ZYG11A: variants seen among roughly 807,000 people sequenced by gnomAD.
ZYG11A encodes the protein protein zyg-11 homolog A.
A neutral mutation model predicts 77.2 loss-of-function variants in ZYG11A; 62 were observed. The ratio of observed to expected loss-of-function variants is 0.80; its 90% CI spans 0.65 to 0.99. The LOEUF (loss-of-function observed/expected upper bound fraction) is 0.99. Among genes scored for constraint, ZYG11A ranks in the 50% least tolerant of loss-of-function variants. The pLI is 0.00. For synonymous variants in ZYG11A, 315 were observed against 324.6 expected, an observed-to-expected ratio of 0.97 and a Z score of 0.32; for missense variants, 828 against 896.8, an observed-to-expected ratio of 0.92 and a Z score of 0.98.
At chr1:52,881,731 C>T in intron 11 of ZYG11A, 66 bp downstream of exon 11, 1 of 1,248,398 alleles carries the variant, frequency 8.0e-7, no homozygotes, top group African/African-American at 1.5e-5. Context: ...ATGTAGTTTC[C>T]TAAATCATAA....
At chr1:52,845,329 G>A (rs1429542592) in intron 1 of ZYG11A, among the ~76,000 whole-genome samples, 7 of 139,566 alleles carry the variant, frequency 5.0e-5, no homozygotes, top group South Asian at 4.5e-4. Flanking sequence ...TTTTTGAGAC[G>A]GAGCCTTGCT....
intron 1 of ZYG11A, among the ~76,000 whole-genome samples, chr1:52,846,512 C>T (rs1217302041): frequency 2.0e-5 from 3 of 151,172 alleles, no homozygotes; most frequent in Non-Finnish European, 4.4e-5. Flanking sequence ...GCCACCATTC[C>T]CGGCTAATTT....
At chr1:52,858,055 G>A (rs1468150550) in intron 3 of ZYG11A, among the ~76,000 whole-genome samples, 1 of 151,492 alleles carries the variant, frequency 6.6e-6, no homozygotes, top group Non-Finnish European at 1.5e-5. Context: ...CCAAAGTGCT[G>A]GGATCATAGG....
chr1:52,885,372 T>C (rs1646431671), intron 11 of ZYG11A, among the ~76,000 whole-genome samples: 1 of 151,450 alleles, frequency 6.6e-6, no homozygotes, highest in Admixed American at 6.6e-5. Flanking sequence ...CGGCTAATTT[T>C]TTTTTGTATT....
At chr1:52,869,578 C>T (rs1571861903) in intron 8 of ZYG11A, among the ~76,000 whole-genome samples, 2 of 152,018 alleles carry the variant, frequency 1.3e-5, no homozygotes, top group South Asian at 4.1e-4. Context: ...CATAGATCAA[C>T]AGGATCCCAA....
intron 5 of ZYG11A, among the ~76,000 whole-genome samples, chr1:52,865,652 T>G (rs1256110103): frequency 6.6e-6 from 1 of 152,182 alleles, no homozygotes; most frequent in Non-Finnish European, 1.5e-5. Context: ...AGTACTGATA[T>G]CTGCAGTGTA....
chr1:52,873,097 A>T (rs1571867452), intron 8 of ZYG11A, among the ~76,000 whole-genome samples: 1 of 151,874 alleles, frequency 6.6e-6, no homozygotes, highest in East Asian at 1.9e-4. Context: ...AGGCGAGCAG[A>T]TTACTTGAGG....
At chr1:52,890,462 G>A (rs866530738) in intron 13 of ZYG11A, among the ~76,000 whole-genome samples, 1 of 150,924 alleles carries the variant, frequency 6.6e-6, no homozygotes, top group South Asian at 2.1e-4. Flanking sequence ...GGGTCTCAAA[G>A]TCCTGACCTT....
chr1:52,883,067 T>C (rs1335880047), intron 11 of ZYG11A, among the ~76,000 whole-genome samples: 1 of 152,054 alleles, frequency 6.6e-6, no homozygotes, highest in Non-Finnish European at 1.5e-5. Context: ...CATAGTTCTA[T>C]ATCTATTTTT....
intron 12 of ZYG11A, 71 bp from the exon 13 acceptor site, chr1:52,886,885 C>T (rs2150022348): frequency 3.1e-6 from 2 of 655,064 alleles, no homozygotes; most frequent in Admixed American, 2.6e-5. Flanking sequence ...TTATATAGTA[C>T]AAATTATTAT....
At chr1:52,878,975 A>G (rs1452460647) in intron 10 of ZYG11A, among the ~76,000 whole-genome samples, 2 of 62,162 alleles carry the variant, frequency 3.2e-5, no homozygotes, top group Admixed American at 3.0e-4. Context: ...AAAAAAAAAA[A>G]CAAACCAAAA....
chr1:52,886,298 CT>C (rs1238256509), intron 12 of ZYG11A, among the ~76,000 whole-genome samples: 1 of 152,078 alleles, frequency 6.6e-6, no homozygotes, highest in Non-Finnish European at 1.5e-5. Context: ...GTCAGTTAGC[CT>C]TATGTTCAAA....
At chr1:52,844,683 T>C (rs986036360) in intron 1 of ZYG11A, among the ~76,000 whole-genome samples, 2 of 152,046 alleles carry the variant, frequency 1.3e-5, no homozygotes, top group Non-Finnish European at 1.5e-5. Context: ...TTCCTGTTCT[T>C]GATACTATTG....
intron 1 of ZYG11A, 63 bp downstream of exon 1, chr1:52,843,036 G>A: frequency 7.1e-7 from 1 of 1,417,988 alleles, no homozygotes; most frequent in South Asian, 1.3e-5. Flanking sequence ...CGGCGAGCGC[G>A]GCGAGTCTCC....
chr1:52,882,049 C>G (rs1646373541), intron 11 of ZYG11A, among the ~76,000 whole-genome samples: 1 of 152,088 alleles, frequency 6.6e-6, no homozygotes, highest in Non-Finnish European at 1.5e-5. Flanking sequence ...TGTGTGCCAC[C>G]ACACCCAGCT....
rs990276412 is a variant in ZYG11A, at chr1:52,881,383, C to G, written c.1750-88C>G. 3 of 938,896 alleles carry G rather than the reference C, an allele frequency of 3.2e-6. No homozygotes were observed. The South Asian group carries it at 5.6e-5, about 18-fold the overall frequency. The allele number at this position is 938,896 out of a possible 1,614,324, so 58.2% of individuals were successfully genotyped here. A position where few individuals can be genotyped will look rare whatever the true frequency, so the allele number is the denominator to read the frequency against. ...GAATAAGAGTTCTGAATTTATCTGA[C>G]CTGAGAAGCAGGAAAGGGAAAAAAG... On this transcript the variant is annotated intron_variant, in intron 10 of 13. Coordinates refer to ENST00000371528, the MANE Select transcript of ZYG11A (RefSeq NM_001004339.3).
rs761223650 is a variant in ZYG11A, at chr1:52,885,927, T to C, written c.2006+33T>C. On this transcript the variant is annotated intron_variant, in intron 12 of 13. Transcript: ENST00000371528. ...CATGGTGTTGTGCTTTTCTTCTTTTTTTTTTCTTCTTTTTTTTATTTTTGA... is the reference window on the plus strand; with the variant it reads ...CATGGTGTTGTGCTTTTCTTCTTTTCTTTTTCTTCTTTTTTTTATTTTTGA... The C allele has an allele frequency of 2.1e-6, 3 of 1,452,116 alleles. No individual in the cohort carries two copies. The South Asian group carries it at 4.0e-5, about 19-fold the overall frequency. 90.0% of individuals were successfully genotyped at this position (1,452,116 alleles called of 1,614,324 possible).
intron 1 of ZYG11A, among the ~76,000 whole-genome samples, chr1:52,846,025 A>G (rs1311805622): frequency 1.3e-5 from 2 of 151,906 alleles, no homozygotes; most frequent in South Asian, 2.1e-4. Flanking sequence ...CTGTGTTGCT[A>G]TATATGTTCC....
chr1:52,843,888 A>T (rs982914020), intron 1 of ZYG11A, among the ~76,000 whole-genome samples: 1 of 151,812 alleles, frequency 6.6e-6, no homozygotes, highest in South Asian at 2.1e-4. Context: ...GGGTTTCACC[A>T]TGTTGGCCAG....
Sources: allele counts gnomAD v4.1 joint callset (sites outside exome capture counted in the v4.1 genomes callset), GRCh38; gene constraint gnomAD v4.1.1; transcripts MANE v1.5; gene names NCBI Gene and HGNC (gene_info 2026-07-23, HGNC 2026-07-21).